Variants in PRX observed in about 807,000 individuals in gnomAD.
PRX encodes the protein periaxin.
A neutral mutation model predicts 29.6 loss-of-function variants in PRX; 24 were observed. The observed-to-expected ratio is 0.81, with a 90% CI of 0.59 to 1.14. The LOEUF (loss-of-function observed/expected upper bound fraction) is 1.14. Among genes scored for constraint, PRX ranks in the 50% most tolerant of loss-of-function variants. The pLI, the probability that PRX is intolerant of heterozygous loss-of-function variation, is 0.00. For synonymous variants in PRX, 772 were observed against 831.7 expected, an observed-to-expected ratio of 0.93 and a Z score of 1.24; for missense variants, 1,838 against 1,926.4, an observed-to-expected ratio of 0.95 and a Z score of 0.86.
Position 40,396,593 on chromosome 19 carries a change from G to A in PRX, c.1759C>T (p.Leu587Phe), listed in dbSNP as rs773206299. The A allele has an allele frequency of 6.2e-7, 1 of 1,613,380 alleles. No individual in the cohort carries two copies. The highest frequency in any genetic ancestry group is 8.5e-7 in the Non-Finnish European group (1 of 1,179,890). The stretch of plus-strand genomic sequence containing the variant: ...AGTTTCATCTCAGGCACCTTTGGAA[G>A]CTTCATCTCAGGGACTTTCATCTCT... ...VPEMKVPEMKLPKVPEMKLPE... is the reference protein window; with the variant it reads ...VPEMKVPEMKFPKVPEMKLPE... The change falls in exon 7 of 7, where the codon CTT becomes TTT. Residue 587 changes from leucine (L) to phenylalanine (F), a missense_variant. This residue lies in a region of PRX where 1,143 missense variants were observed against 1,193.0 expected (regional missense o/e 0.96). Transcript: ENST00000324001.
intron 5 of PRX, among the ~76,000 whole-genome samples, chr19:40,399,863 C>CTTTA (rs1461164686): frequency 1.6e-5 from 1 of 63,458 alleles, no homozygotes; most frequent in Non-Finnish European, 3.2e-5. Flanking sequence ...TTCTTTCTTT[C>CTTTA]TTTCTTTCTT....
rs1399950077 is a variant in PRX, at chr19:40,395,261, G to A, written c.3091C>T (p.Arg1031Trp). The change falls in exon 7 of 7, where the codon CGG becomes TGG. Residue 1031 changes from arginine to tryptophan, a missense_variant. Physicochemically the swap from Arg to Trp is moderately radical, Grantham distance 101. This residue lies in a region of PRX where 1,143 missense variants were observed against 1,193.0 expected (regional missense o/e 0.96). Transcript: ENST00000324001. The part of the protein sequence containing the change: ...FALPKFGVRG[R>W]DTEAAELVPG... ...ACTAGTTCTGCTGCCTCAGTGTCCC[G>A]GCCTCTGACCCCAAACTTGGGGAGA... 23 of 1,613,618 alleles carry A rather than the reference G, an allele frequency of 1.4e-5. 1 individual carries two copies. Among genetic ancestry groups the A allele is most frequent in the East Asian group, 4.5e-5 (2 of 44,876 alleles).
At chr19:40,412,583 C>T (rs933685969) in intron 1 of PRX, among the ~76,000 whole-genome samples, 2 of 152,218 alleles carry the variant, frequency 1.3e-5, no homozygotes, top group Non-Finnish European at 2.9e-5. Flanking sequence ...CCCACTTTCT[C>T]TGCTACCAAA....
chr19:40,413,768 C>T (rs1353510246), upstream of PRX, among the ~76,000 whole-genome samples: 2 of 152,230 alleles, frequency 1.3e-5, no homozygotes, highest in Non-Finnish European at 2.9e-5. Context: ...CGACCACTTC[C>T]TCGCTGGGTG....
At chr19:40,407,212 T>TGTGTGTGTGTGTGTGTG (rs2079535328) in intron 4 of PRX, among the ~76,000 whole-genome samples, 1 of 133,844 alleles carries the variant, frequency 7.5e-6, no homozygotes, top group African/African-American at 2.8e-5. Context: ...TTATATGCCC[T>TGTGTGTGTGTGTGTGTG]TGTGTGTGTG....
upstream of PRX, among the ~76,000 whole-genome samples, chr19:40,413,551 C>T (rs2079568985): frequency 6.6e-6 from 1 of 151,960 alleles, no homozygotes; most frequent in African/African-American, 2.4e-5. Context: ...ACGGGACAGC[C>T]ACCAGCCGCC....
chr19:40,396,401 C>A lies in PRX; in HGVS notation c.1951G>T (p.Asp651Tyr), dbSNP rs3814290. 6.2e-7 allele frequency: 1 copy of A among 1,613,730 alleles called. No homozygotes were observed. Among genetic ancestry groups the A allele is most frequent in the Non-Finnish European group, 8.5e-7 (1 of 1,179,982 alleles). Reference sequence around the variant, plus strand: ...AGCTGCACTTCCGGGAGGTGCACATCGGGCACAGCCATCTCGGGCACCTTC... The same window carrying A: ...AGCTGCACTTCCGGGAGGTGCACATAGGGCACAGCCATCTCGGGCACCTTC... The part of the protein sequence containing the change: ...LPKVPEMAVP[D>Y]VHLPEVQLPK... The change falls in exon 7 of 7, where the codon GAT (aspartate) becomes TAT (tyrosine). Residue 651 changes from aspartate (D) to tyrosine (Y), a missense_variant. This residue lies in a region of PRX where 1,143 missense variants were observed against 1,193.0 expected (regional missense o/e 0.96). Transcript: ENST00000324001.
Position 40,394,412 on chromosome 19 carries a change from C to T in PRX, c.3940G>A (p.Val1314Met), listed in dbSNP as rs532367972. 6.2e-7 allele frequency: 1 copy of T among 1,601,414 alleles called. No homozygotes were observed. Among genetic ancestry groups the T allele is most frequent in the East Asian group, 2.3e-5 (1 of 43,976 alleles). The change falls in exon 7 of 7, where the codon GTG (valine) becomes ATG (methionine). Residue 1314 changes from valine (V) to methionine (M), a missense_variant. Val to Met is a conservative substitution (Grantham distance 21). This residue lies in a region of PRX where 1,143 missense variants were observed against 1,193.0 expected (regional missense o/e 0.96). Transcript: ENST00000324001. This position sits in a 1 kb window ranked among gnomAD's most constrained non-coding sequence, Gnocchi z 5.8. ...LKVRLPRFGL[V>M]RAKEGAEEGE... is the part of the protein sequence containing the mutation. ...TCCTCGGCCCCCTCCTTGGCCCGCA[C>T]CAGGCCAAACCGGGGCAGCCGTACC...
Position 40,396,777 on chromosome 19 carries a change from C to G in PRX, c.1575G>C (p.Val525=). The change falls in exon 7 of 7, where the codon GTG becomes GTC. Residue 525 remains valine (V), a synonymous_variant. Transcript: ENST00000324001. ...VRLPEVQLLK[V]SEMKLPKVPE... ...GCACCTTTGGGAGTTTCATCTCCGA[C>G]ACTTTCAGCAGCTGTACCTCTGGAA... 1 of 1,610,786 alleles carries G rather than the reference C, an allele frequency of 6.2e-7. No individual in the cohort carries two copies. Among genetic ancestry groups the G allele is most frequent in the Non-Finnish European group, 8.5e-7 (1 of 1,178,668 alleles).
rs776947855 is a variant in PRX, at chr19:40,394,467, C to T, written c.3885G>A (p.Glu1295=). 1.7e-5 allele frequency: 28 copies of T among 1,601,506 alleles called. No homozygotes were observed. In the Admixed American group the frequency reaches 4.6e-4, roughly 26 times the overall value. The change falls in exon 7 of 7, where the codon GAG becomes GAA. Residue 1295 remains glutamate, a synonymous_variant. Transcript: ENST00000324001. This position sits in a 1 kb window ranked among gnomAD's most constrained non-coding sequence, Gnocchi z 5.8. ...GCTTGTGTCCGGCCTCTCCCTCCCC[C>T]TCTGCCACCTGGTACTCGGCATGGT... The part of the protein sequence containing the change: ...GGNHAEYQVA[E]GEGEAGHKLK...
rs1200177426 is a variant in PRX at position 40,394,340 on chromosome 19, A to G, written c.4012T>C (p.Phe1338Leu). 1 of 1,607,238 alleles carries G rather than the reference A, an allele frequency of 6.2e-7. No homozygotes were observed. Among genetic ancestry groups the G allele is most frequent in the East Asian group, 2.2e-5 (1 of 44,510 alleles). Residue 1338 changes from phenylalanine (F) to leucine (L), a missense_variant, in exon 7 of 7, where the codon TTC becomes CTC. Physicochemically the swap from Phe to Leu is conservative, Grantham distance 22. Transcript: ENST00000324001. The surrounding 1 kb of genome is among the most constrained non-coding windows in gnomAD (Gnocchi z 5.8). Reference protein sequence around the residue: ...SPKLRLPRVGFSQSEMVTGEG... With the variant: ...SPKLRLPRVGLSQSEMVTGEG... ...CCAGTGACCATCTCACTTTGGCTGA[A>G]GCCCACTCGGGGCAGCCTGAGTTTG...
At chr19:40,413,571 C>A (rs2079569188), upstream of PRX, among the ~76,000 whole-genome samples, 1 of 152,204 alleles carries the variant, frequency 6.6e-6, no homozygotes, top group African/African-American at 2.4e-5. Flanking sequence ...CTCTCTCTTG[C>A]CTGGGCCGAG....
rs566722427 is a variant in PRX, at chr19:40,398,868, G to T, written c.185-52C>A. On this transcript the variant is annotated intron_variant, in intron 5 of 6. Coordinates refer to ENST00000324001, the MANE Select transcript of PRX (RefSeq NM_181882.3). The surrounding 1 kb of genome is among the most constrained non-coding windows in gnomAD (Gnocchi z 6.3). ...ACGTGGGCATCTCCCGGCTCCGCCC[G>T]GGCCTAGTTCTGCCCACTTGCACGG... 6.2e-7 allele frequency: 1 copy of T among 1,612,360 alleles called. No individual in the cohort carries two copies. The highest frequency in any genetic ancestry group is 8.5e-7 in the Non-Finnish European group (1 of 1,179,648).
chr19:40,402,332 A>T (rs1161453582), intron 5 of PRX, among the ~76,000 whole-genome samples: 3 of 149,170 alleles, frequency 2.0e-5, no homozygotes, highest in East Asian at 2.1e-4. Flanking sequence ...CCAGCCTGGG[A>T]GACAGAGCAA....
At position 40,396,971 on chromosome 19, in the gene PRX, G is replaced by A; in HGVS notation, c.1381C>T (p.Pro461Ser). 6.2e-7 allele frequency: 1 copy of A among 1,614,172 alleles called. No homozygotes were observed. The highest frequency in any genetic ancestry group is 8.5e-7 in the Non-Finnish European group (1 of 1,180,028). Residue 461 changes from proline to serine, a missense_variant, in exon 7 of 7, where the codon CCA becomes TCA. By Grantham distance (74) the Pro-to-Ser change is moderately conservative. This residue lies in a region of PRX where 666 missense variants were observed against 665.0 expected (regional missense o/e 1.00). Transcript: ENST00000324001. ...TCCACCTCTGGGAGTCGAACCTCTG[G>A]AAGGGCTGCCTCGGGCACTTTTGGA... ...KLPKVPEAAL[P>S]EVRLPEVELP... is the part of the protein sequence containing the mutation.
chr19:40,409,108 T>C (rs528342686), intron 1 of PRX, among the ~76,000 whole-genome samples: 4 of 152,190 alleles, frequency 2.6e-5, no homozygotes, highest in African/African-American at 9.6e-5. Context: ...CACCTTGGCC[T>C]CCCAAAGTGC....
rs367797322 is a variant in PRX at position 40,407,959 on chromosome 19, C to T, written c.-27G>A. ...GCGTTGCTGGGAGGCACCTGCACCC[C>T]AGGCTCCTGTGTCCTCTCCCCTTTC... On this transcript the variant is annotated 5_prime_UTR_variant, in exon 4 of 7. Transcript: ENST00000324001. 13 of 1,613,618 alleles carry T rather than the reference C, an allele frequency of 8.1e-6. No homozygotes were observed. The African/African-American group carries it at 1.6e-4, about 20-fold the overall frequency.
chr19:40,399,891 C>CTTTCTTTCTT (rs1555801766), intron 5 of PRX, among the ~76,000 whole-genome samples: 3 of 68,834 alleles, frequency 4.4e-5, no homozygotes, highest in African/African-American at 2.3e-4. Flanking sequence ...TTCTTTCTTT[C>CTTTCTTTCTT]TTTCTTTCTT....
In PRX at chr19:40,408,246, G is replaced by A. The variant is rs2079541536; in HGVS notation, c.-188C>T. 1.9e-6 allele frequency: 1 copy of A among 522,168 alleles called. No homozygotes were observed. The highest frequency in any genetic ancestry group is 2.3e-5 in the South Asian group (1 of 42,918). 32.3% of individuals were successfully genotyped at this position (522,168 alleles called of 1,614,324 possible). ...TGCAGGGCTCACGCCCTTCCGTGGG[G>A]TTCTTGCTGCCTGCCAGGGAAAGGC... On this transcript the variant is annotated 5_prime_UTR_variant, in exon 3 of 7. Coordinates refer to ENST00000324001, the MANE Select transcript of PRX (RefSeq NM_181882.3).
Sources: gnomAD v4.1 joint callset for allele counts (sites outside exome capture counted in the v4.1 genomes callset) on GRCh38, gnomAD v4.1.1 for gene constraint, gnomAD v4.1.1 regional missense constraint, Gnocchi (gnomAD v3.1) non-coding constraint, MANE v1.5 for transcripts, NCBI Gene and HGNC (gene_info 2026-07-23, HGNC 2026-07-21) for gene names.